Variants in ZNHIT1 observed in about 807,000 individuals in gnomAD.
The protein encoded by ZNHIT1 is zinc finger HIT domain-containing protein 1.
In ZNHIT1, 20 loss-of-function variants were observed where a neutral mutation model predicts 21.4. The observed-to-expected ratio is 0.93, with a 90% CI of 0.66 to 1.36. The LOEUF (loss-of-function observed/expected upper bound fraction) is 1.36, where lower values mean the gene tolerates loss of function less well. Ranked by LOEUF, ZNHIT1 falls within the 40% of genes most tolerant of loss-of-function variation. The pLI, the probability that ZNHIT1 is intolerant of heterozygous loss-of-function variation, is 0.00. For synonymous variants in ZNHIT1, 79 were observed against 84.0 expected, an observed-to-expected ratio of 0.94 and a Z score of 0.32; for missense variants, 170 against 213.5, an observed-to-expected ratio of 0.80 and a Z score of 1.27.
chr7:101,223,585 C>A (rs376064372), intron 3 of ZNHIT1, 29 bp downstream of exon 3: 28 of 1,614,112 alleles, frequency 1.7e-5, no homozygotes, highest in Non-Finnish European at 2.3e-5. Flanking sequence ...TGGGAGGACC[C>A]CACAGGGAAG....
At position 101,222,651 on chromosome 7, in the gene ZNHIT1, C is replaced by A. The variant is rs753761820; in HGVS notation, c.70C>A (p.Arg24=). ...GCGGCGGGTGCTGGACCGGGCTGCC[C>A]GGCAGCGTCGCATCAACCGGCAGCT... is the stretch of plus-strand genomic sequence containing the variant. The part of the protein sequence containing the change: ...GQRRVLDRAA[R]QRRINRQLEA... Residue 24 remains arginine (R), a synonymous_variant, in exon 2 of 5, where the codon CGG becomes AGG. Transcript: ENST00000305105. 14 of 1,613,804 alleles carry A rather than the reference C, an allele frequency of 8.7e-6. No individual in the cohort carries two copies. The highest frequency in any genetic ancestry group is 1.2e-5 in the Non-Finnish European group (14 of 1,179,936).
Position 101,224,161 on chromosome 7 carries a change from G to C in ZNHIT1, c.*203G>C, listed in dbSNP as rs1047287833. On this transcript the variant is annotated 3_prime_UTR_variant, in exon 5 of 5. Transcript: ENST00000305105. ...TGGCAGGTAGGCTGGGCCCCCCAGTGCTGTTAGAATAAAAAGCCTCGTGCC... is the reference window on the plus strand; with the variant it reads ...TGGCAGGTAGGCTGGGCCCCCCAGTCCTGTTAGAATAAAAAGCCTCGTGCC... 23 of 746,006 alleles carry C rather than the reference G, an allele frequency of 3.1e-5. No individual in the cohort carries two copies. The highest frequency in any genetic ancestry group is 4.9e-5 in the Non-Finnish European group (23 of 466,532). The allele number at this position is 746,006 out of a possible 1,614,324, so 46.2% of individuals were successfully genotyped here.
At chr7:101,222,578 A>T in intron 1 of ZNHIT1, 26 bp from the exon 2 acceptor site, 1 of 1,595,988 alleles carries the variant, frequency 6.3e-7, no homozygotes, top group South Asian at 1.1e-5. Context: ...GAAGCCCTGT[A>T]ACTTTGCGTG....
At chr7:101,222,483 TG>T in intron 1 of ZNHIT1, 120 bp from the exon 2 acceptor site, 1 of 1,200,230 alleles carries the variant, frequency 8.3e-7, no homozygotes, top group Non-Finnish European at 1.2e-6. Flanking sequence ...GGCTTGGCAA[TG>T]GGGATGAGAT....
At chr7:101,219,023 G>A (rs1417991665) in intron 1 of ZNHIT1, 1 of 152,250 alleles carries the variant, frequency 6.6e-6, no homozygotes, top group Non-Finnish European at 1.5e-5. Flanking sequence ...AAGGATCGAA[G>A]GCTGGGGAAA....
At chr7:101,222,852 G>A (rs1798395457) in intron 2 of ZNHIT1, 78 bp downstream of exon 2, 2 of 1,535,526 alleles carry the variant, frequency 1.3e-6, no homozygotes, top group African/African-American at 1.4e-5. Context: ...GGCTGTGGGA[G>A]GACCCAGGAG....
At chr7:101,219,714 C>G (rs1798341494) in intron 1 of ZNHIT1, 1 of 152,270 alleles carries the variant, frequency 6.6e-6, no homozygotes, top group Admixed American at 6.5e-5. Context: ...GCATGAGCCA[C>G]TGCGCTTGGC....
At chr7:101,218,823 T>C (rs2116817283) in intron 1 of ZNHIT1, 1 of 152,836 alleles carries the variant, frequency 6.5e-6, no homozygotes, top group Non-Finnish European at 1.5e-5. Context: ...AGACGTGGCA[T>C]CTAGCCCAGG....
At chr7:101,222,465 G>A (rs1798384380) in intron 1 of ZNHIT1, 139 bp from the exon 2 acceptor site, 2 of 1,022,202 alleles carry the variant, frequency 2.0e-6, no homozygotes, top group Non-Finnish European at 2.8e-6. Context: ...GGAGACAAGG[G>A]GACCAAGGGC....
At chr7:101,222,365 T>G in intron 1 of ZNHIT1, 1 of 495,184 alleles carries the variant, frequency 2.0e-6, no homozygotes, top group East Asian at 3.3e-5. Flanking sequence ...GGGACTGGGA[T>G]TGAGAGGAAG....
At position 101,224,056 on chromosome 7, in the gene ZNHIT1, C is replaced by A; in HGVS notation, c.*98C>A. On this transcript the variant is annotated 3_prime_UTR_variant, in exon 5 of 5. Transcript: ENST00000305105. ...AATGCAGGGGGAGCTCTTCCTGGAC[C>A]AAGGGAGGAGCCGCTCATTCACCCA... 6.4e-7 allele frequency: 1 copy of A among 1,559,824 alleles called. No individual in the cohort carries two copies.
rs200429031 is a variant in ZNHIT1, at chr7:101,223,780, C to G, written c.381C>G (p.Thr127=). Residue 127 remains threonine, a synonymous_variant, in exon 4 of 5, where the codon ACC becomes ACG. Transcript: ENST00000305105. ...TCTGTGGCTTCCCATCCCCCTACAC[C>G]TGTGTCAGCTGCGGTGCCCGGTACT... ...CAVCGFPSPY[T]CVSCGARYCT... The G allele has an allele frequency of 2.5e-6, 4 of 1,614,200 alleles. No individual in the cohort carries two copies. The East Asian group carries it at 6.7e-5, about 27-fold the overall frequency.
At position 101,224,088 on chromosome 7, in the gene ZNHIT1, CTG is replaced by C. The variant is rs958987905; in HGVS notation, c.*134_*135del. On this transcript the variant is annotated 3_prime_UTR_variant, in exon 5 of 5. Coordinates refer to ENST00000305105, the MANE Select transcript of ZNHIT1 (RefSeq NM_006349.3). The stretch of plus-strand genomic sequence containing the variant: ...GGAGCCGCTCATTCACCCAACAAAA[CTG>C]TGTCTTATCTGCCAGGAAAGACCAG... The C allele has an allele frequency of 2.5e-5, 35 of 1,420,944 alleles. No homozygotes were observed. Among genetic ancestry groups the C allele is most frequent in the Non-Finnish European group, 3.0e-5 (31 of 1,025,946 alleles). 88.0% of individuals were successfully genotyped at this position (1,420,944 alleles called of 1,614,324 possible).
At chr7:101,219,335 C>T (rs1798334226) in intron 1 of ZNHIT1, 1 of 152,258 alleles carries the variant, frequency 6.6e-6, no homozygotes, top group Admixed American at 6.5e-5. Context: ...TCTTGAACTC[C>T]TGAGCTCATG....
chr7:101,222,413 G>A (rs546855494), intron 1 of ZNHIT1, 191 bp from the exon 2 acceptor site: 142 of 571,168 alleles, frequency 2.5e-4, no homozygotes, highest in Non-Finnish European at 3.8e-4. Context: ...AAGGGTCTCA[G>A]CTGGCGGGAC....
intron 1 of ZNHIT1, chr7:101,218,485 G>C: frequency 2.0e-6 from 1 of 490,862 alleles, no homozygotes; most frequent in Non-Finnish European, 3.6e-6. Flanking sequence ...ATGTTGCCCA[G>C]GTTGGTCTCC....
At chr7:101,221,253 T>C (rs6957526) in intron 1 of ZNHIT1, 14,087 of 149,936 alleles carry the variant, frequency 0.094, 1,061 homozygotes, top group African/African-American at 0.21. Context: ...CAGTCTTGCT[T>C]TGTCACTCAG....
chr7:101,219,225 A>T (rs1194739045), intron 1 of ZNHIT1: 4 of 151,718 alleles, frequency 2.6e-5, no homozygotes, highest in Non-Finnish European at 1.5e-5. Flanking sequence ...CACCTCAGCC[A>T]CCTGAGTAGG....
intron 2 of ZNHIT1, 28 bp downstream of exon 2, chr7:101,222,802 G>C (rs1037521950): frequency 3.1e-6 from 5 of 1,607,968 alleles, no homozygotes; most frequent in East Asian, 4.5e-5. Context: ...GGAAGCGGGG[G>C]ATGGGACTGA....
Sources: gnomAD v4.1 joint callset for allele counts on GRCh38, gnomAD v4.1.1 for gene constraint, MANE v1.5 for transcripts, NCBI Gene and HGNC (gene_info 2026-07-23, HGNC 2026-07-21) for gene names.